Variants in ATP8A2 observed in about 807,000 individuals in gnomAD.
ATP8A2 encodes ATPase phospholipid transporting 8A2, also known as phospholipid-transporting ATPase IB.
ATP8A2 carries 100 observed loss-of-function variants against 165.6 expected under a neutral mutation model. The ratio of observed to expected loss-of-function variants is 0.60; its 90% CI spans 0.51 to 0.71. ATP8A2 has a LOEUF of 0.71. ATP8A2 is among the 30% of genes least tolerant of loss of function. The pLI, the probability that ATP8A2 is intolerant of heterozygous loss-of-function variation, is 0.00. For missense variants in ATP8A2, 1,227 were observed against 1,479.5 expected (o/e 0.83, Z 2.80); for synonymous variants, 543 against 548.8 (o/e 0.99, Z 0.15).
At chr13:25,506,940 C>CAGTACATATATATATATATATAT (rs2037056504) in intron 2 of ATP8A2, among the ~76,000 whole-genome samples, 1 of 128,712 alleles carries the variant, frequency 7.8e-6, no homozygotes, top group East Asian at 2.2e-4. Context: ...CAGTACAGTA[C>CAGTACATATATATATATATATAT]ATATATATAT....
At chr13:25,389,328 G>A (rs924598544) in intron 1 of ATP8A2, among the ~76,000 whole-genome samples, 5 of 152,080 alleles carry the variant, frequency 3.3e-5, no homozygotes, top group African/African-American at 4.8e-5. Context: ...TGAAACTCTG[G>A]GCTTAATGAG....
chr13:25,798,297 C>T (rs1950537818), intron 27 of ATP8A2, among the ~76,000 whole-genome samples: 1 of 152,066 alleles, frequency 6.6e-6, no homozygotes, highest in South Asian at 2.1e-4. Flanking sequence ...ACTGAAAATC[C>T]CTCAGGGAAG....
At chr13:25,836,121 C>T (rs969711563) in intron 28 of ATP8A2, among the ~76,000 whole-genome samples, 29 of 152,112 alleles carry the variant, frequency 1.9e-4, no homozygotes, top group Non-Finnish European at 3.8e-4. Flanking sequence ...GTAAACTGGG[C>T]CCTTTCTGGT....
At chr13:25,733,564 C>G (rs923355837) in intron 25 of ATP8A2, among the ~76,000 whole-genome samples, 1 of 152,138 alleles carries the variant, frequency 6.6e-6, no homozygotes, top group African/African-American at 2.4e-5. Flanking sequence ...TTCTTTCCAC[C>G]AGGAACCTTT....
At chr13:25,529,856 A>C in intron 2 of ATP8A2, 143 bp from the exon 3 acceptor site, 1 of 549,650 alleles carries the variant, frequency 1.8e-6, no homozygotes, top group Non-Finnish European at 3.2e-6. Context: ...CTTTAGGAGA[A>C]GATACACAGC....
At chr13:25,894,387 A>G (rs1020912878) in intron 33 of ATP8A2, among the ~76,000 whole-genome samples, 2 of 152,028 alleles carry the variant, frequency 1.3e-5, no homozygotes, top group Non-Finnish European at 2.9e-5. Flanking sequence ...TGTTCCATTG[A>G]TCTATATTTC....
chr13:25,726,589 C>T (rs574364292), intron 25 of ATP8A2, among the ~76,000 whole-genome samples: 2 of 152,246 alleles, frequency 1.3e-5, no homozygotes, highest in South Asian at 4.2e-4. Flanking sequence ...ATTGCTTTCT[C>T]CAATCCTGCA....
Position 25,709,069 on chromosome 13 carries a change from C to T in ATP8A2, c.2384+9724C>T, listed in dbSNP as rs551062284. ...TGTGAGAGTCCCAGGGCTGAATTGT[C>T]GCCAGTGGTTTAGTTTCTGACAGGC... On this transcript the variant is annotated intron_variant, in intron 25 of 36. Coordinates refer to ENST00000381655, the MANE Select transcript of ATP8A2 (RefSeq NM_016529.6). Among the ~76,000 whole-genome samples the T allele has an allele frequency of 6.6e-5, 10 of 152,246 alleles. No homozygotes were observed. In the East Asian group the frequency reaches 9.6e-4, roughly 15 times the overall value.
chr13:25,664,836 G>A (rs1343296512), intron 24 of ATP8A2, among the ~76,000 whole-genome samples: 1 of 152,044 alleles, frequency 6.6e-6, no homozygotes, highest in African/African-American at 2.4e-5. Flanking sequence ...TTTCCTTGCG[G>A]TAACATGGGA....
chr13:25,829,113 G>A (rs1951391191), intron 28 of ATP8A2, among the ~76,000 whole-genome samples: 1 of 152,146 alleles, frequency 6.6e-6, no homozygotes, highest in African/African-American at 2.4e-5. Flanking sequence ...TCAGTGCTGG[G>A]TGCTGATGTA....
intron 1 of ATP8A2, chr13:25,468,769 T>A: frequency 1.1e-6 from 1 of 924,368 alleles, no homozygotes; most frequent in Non-Finnish European, 1.3e-6. Flanking sequence ...GGCGTGGGCG[T>A]GGGCGGGGCC....
chr13:25,564,022 G>A lies in ATP8A2; in HGVS notation c.1464G>A (p.Glu488=), dbSNP rs1566274008. The A allele has an allele frequency of 6.2e-6, 10 of 1,611,844 alleles. No individual in the cohort carries two copies. The highest frequency in any genetic ancestry group is 8.5e-6 in the Non-Finnish European group (10 of 1,177,972). The part of the protein sequence containing the change: ...FDDPRLLKNI[E]DRHPTAPCIQ... Reference sequence around the variant, plus strand: ...ACCCCAGGCTGTTGAAGAACATTGAGGATCGCCATGTAAGTGCTCTGTTTT... The same window carrying A: ...ACCCCAGGCTGTTGAAGAACATTGAAGATCGCCATGTAAGTGCTCTGTTTT... The change falls in exon 16 of 37, where the codon GAG becomes GAA. Residue 488 remains glutamate, a synonymous_variant. Coordinates refer to ENST00000381655, the MANE Select transcript of ATP8A2 (RefSeq NM_016529.6).
At chr13:25,422,686 G>A (rs1462831189) in intron 1 of ATP8A2, among the ~76,000 whole-genome samples, 3 of 152,178 alleles carry the variant, frequency 2.0e-5, no homozygotes, top group Non-Finnish European at 4.4e-5. Context: ...GCATTGCAAT[G>A]GGAATGTACA....
chr13:25,669,106 C>A (rs1473655401), intron 24 of ATP8A2, among the ~76,000 whole-genome samples: 1 of 150,676 alleles, frequency 6.6e-6, no homozygotes, highest in Non-Finnish European at 1.5e-5. Context: ...TTTTGGTATG[C>A]CTTGTAATTT....
intron 35 of ATP8A2, among the ~76,000 whole-genome samples, chr13:25,986,638 G>GTTA (rs2139275186): frequency 6.6e-6 from 1 of 152,278 alleles, no homozygotes; most frequent in East Asian, 1.9e-4. Context: ...CCATATCTTG[G>GTTA]TTATTGTAAA....
intron 24 of ATP8A2, among the ~76,000 whole-genome samples, chr13:25,683,155 G>A (rs1442833659): frequency 6.6e-6 from 1 of 151,296 alleles, no homozygotes; most frequent in Non-Finnish European, 1.5e-5. Flanking sequence ...TTTAGTAATG[G>A]TGTATAGGAT....
intron 36 of ATP8A2, among the ~76,000 whole-genome samples, chr13:26,017,287 A>G (rs1021551036): frequency 1.3e-5 from 2 of 152,200 alleles, no homozygotes; most frequent in African/African-American, 4.8e-5. Flanking sequence ...CCCCCTCAGG[A>G]TGACTTCAGA....
At chr13:25,392,385 T>C (rs1472984908) in intron 1 of ATP8A2, among the ~76,000 whole-genome samples, 6 of 152,222 alleles carry the variant, frequency 3.9e-5, no homozygotes, top group African/African-American at 9.6e-5. Flanking sequence ...TTACCTATAT[T>C]GTTTTGTAAA....
At chr13:25,742,389 T>C (rs1456912072) in intron 25 of ATP8A2, among the ~76,000 whole-genome samples, 4 of 151,852 alleles carry the variant, frequency 2.6e-5, no homozygotes, top group African/African-American at 9.7e-5. Context: ...AAATTCTTAA[T>C]GTAGGCAAAG....
Sources: gnomAD v4.1 joint callset for allele counts (sites outside exome capture counted in the v4.1 genomes callset) on GRCh38, gnomAD v4.1.1 for gene constraint, MANE v1.5 for transcripts, NCBI Gene and HGNC (gene_info 2026-07-23, HGNC 2026-07-21) for gene names.